The following SH3GLB1 variants were observed in gnomAD, a reference collection of about 807,000 sequenced individuals.
The protein encoded by SH3GLB1 is SH3 domain containing GRB2 like, endophilin B1, also known as endophilin-B1.
Under a neutral mutation model 42.0 loss-of-function variants are expected in SH3GLB1, and 17 were observed. The ratio of observed to expected loss-of-function variants is 0.40; its 90% CI spans 0.28 to 0.61. The LOEUF (loss-of-function observed/expected upper bound fraction) is 0.61. Ranked by LOEUF, SH3GLB1 falls within the 20% of genes least tolerant of loss-of-function variation. The probability of loss-of-function intolerance (pLI) is 0.36; values close to 1 mark genes in which losing one functional copy is unlikely to be tolerated. For synonymous variants in SH3GLB1, 132 were observed against 146.6 expected (o/e 0.90, Z 0.72); for missense variants, 355 against 426.3 (o/e 0.83, Z 1.47).
intron 3 of SH3GLB1, among the ~76,000 whole-genome samples, chr1:86,720,619 TC>T (rs1411595148): frequency 6.6e-6 from 1 of 152,222 alleles, no homozygotes; most frequent in Non-Finnish European, 1.5e-5. Context: ...GTTGTTTATG[TC>T]TAATAATAAT....
chr1:86,739,799 A>T (rs953169651), intron 7 of SH3GLB1, among the ~76,000 whole-genome samples: 1 of 152,110 alleles, frequency 6.6e-6, no homozygotes, highest in Admixed American at 6.5e-5. Flanking sequence ...AAAAAGGATG[A>T]GATTTTGTGC....
chr1:86,742,826 T>G (rs1013146256), intron 8 of SH3GLB1, among the ~76,000 whole-genome samples: 9 of 151,946 alleles, frequency 5.9e-5, no homozygotes, highest in Non-Finnish European at 1.5e-5. Context: ...CTGGGCATGG[T>G]GGTGTGCGCC....
At chr1:86,739,812 A>C (rs1019630519) in intron 7 of SH3GLB1, among the ~76,000 whole-genome samples, 7 of 152,154 alleles carry the variant, frequency 4.6e-5, no homozygotes, top group African/African-American at 1.2e-4. Flanking sequence ...TTTTGTGCAC[A>C]TATGGAGGAA....
intron 7 of SH3GLB1, among the ~76,000 whole-genome samples, chr1:86,736,014 G>C (rs1360499143): frequency 6.6e-6 from 1 of 152,124 alleles, no homozygotes; most frequent in Non-Finnish European, 1.5e-5. Flanking sequence ...GATGAAGAAA[G>C]GGACAGGGAT....
chr1:86,742,044 G>A (rs1656081651), intron 7 of SH3GLB1, among the ~76,000 whole-genome samples, 164 bp from the exon 8 acceptor site: 1 of 152,084 alleles, frequency 6.6e-6, no homozygotes, highest in African/African-American at 2.4e-5. Flanking sequence ...ATTGGCCCAA[G>A]AGGGAAAAGG....
chr1:86,712,137 T>G (rs1044271874), intron 1 of SH3GLB1, among the ~76,000 whole-genome samples: 1 of 152,138 alleles, frequency 6.6e-6, no homozygotes, highest in Non-Finnish European at 1.5e-5. Context: ...ATTTATAATT[T>G]CAATTTTAAA....
intron 1 of SH3GLB1, among the ~76,000 whole-genome samples, chr1:86,711,745 T>A (rs1654223005): frequency 3.3e-5 from 5 of 152,072 alleles, no homozygotes; most frequent in Admixed American, 2.6e-4. Flanking sequence ...GATCTTTTTT[T>A]AAAAGAAAGA....
intron 1 of SH3GLB1, among the ~76,000 whole-genome samples, chr1:86,713,304 A>G (rs2101920558): frequency 6.6e-6 from 1 of 151,640 alleles, no homozygotes; most frequent in South Asian, 2.1e-4. Flanking sequence ...CTGGTCTAGA[A>G]CTCCTGAGCT....
chr1:86,724,268 A>G (rs756441382), intron 4 of SH3GLB1, 45 bp from the exon 5 acceptor site: 2 of 1,368,870 alleles, frequency 1.5e-6, no homozygotes, highest in South Asian at 2.7e-5. Context: ...TCTTAACAGA[A>G]TTTTAGCATC....
chr1:86,721,612 G>GAGT (rs1654861412), intron 3 of SH3GLB1, among the ~76,000 whole-genome samples: 1 of 152,166 alleles, frequency 6.6e-6, no homozygotes, highest in African/African-American at 2.4e-5. Context: ...TTAAGTATCA[G>GAGT]AGTATATGTA....
At chr1:86,705,030 C>A in intron 1 of SH3GLB1, 59 bp downstream of exon 1, 1 of 1,202,694 alleles carries the variant, frequency 8.3e-7, no homozygotes. Flanking sequence ...AGGGAGGGGA[C>A]CGCAGCTCGA....
intron 2 of SH3GLB1, among the ~76,000 whole-genome samples, chr1:86,717,840 G>A (rs936428377): frequency 1.6e-4 from 24 of 152,096 alleles, no homozygotes; most frequent in African/African-American, 5.8e-4. Context: ...TCAAAAATAC[G>A]TTATGCAGAA....
At chr1:86,711,389 T>C (rs185883226) in intron 1 of SH3GLB1, among the ~76,000 whole-genome samples, 3 of 152,246 alleles carry the variant, frequency 2.0e-5, no homozygotes, top group Admixed American at 6.5e-5. Flanking sequence ...AGAGAAAATA[T>C]ATAAAAGGGG....
At chr1:86,711,072 A>C (rs1358353491) in intron 1 of SH3GLB1, among the ~76,000 whole-genome samples, 2 of 152,226 alleles carry the variant, frequency 1.3e-5, no homozygotes, top group African/African-American at 2.4e-5. Context: ...CCAATGGAGA[A>C]AGATGCACCT....
At chr1:86,742,492 T>A in intron 8 of SH3GLB1, 56 bp downstream of exon 8, 2 of 1,332,828 alleles carry the variant, frequency 1.5e-6, no homozygotes, top group Non-Finnish European at 2.1e-6. Flanking sequence ...TACCTTCTAA[T>A]ATTATAACAA....
intron 5 of SH3GLB1, among the ~76,000 whole-genome samples, chr1:86,725,567 A>C (rs263460): frequency 0.085 from 12,874 of 152,238 alleles, 777 homozygotes; most frequent in East Asian, 0.16. Context: ...TAACAAGTTA[A>C]TACTTAATTT....
In SH3GLB1 at chr1:86,746,175, C is replaced by G. The variant is rs1262406168; in HGVS notation, c.*2940C>G. 6.6e-6 allele frequency: 1 copy of G among 152,562 alleles called. No homozygotes were observed. The highest frequency in any genetic ancestry group is 2.4e-5 in the African/African-American group (1 of 41,420). 9.5% of individuals were successfully genotyped at this position (152,562 alleles called of 1,614,324 possible). On this transcript the variant is annotated 3_prime_UTR_variant, in exon 9 of 9. Transcript: ENST00000370558. ...CATCTTCATAGTCTCCTGTTATCCTCCCCCTGAACAAAGAACAAAGTGAGA... is the reference window on the plus strand; with the variant it reads ...CATCTTCATAGTCTCCTGTTATCCTGCCCCTGAACAAAGAACAAAGTGAGA...
chr1:86,731,696 A>C (rs1335130127), intron 5 of SH3GLB1, among the ~76,000 whole-genome samples: 2 of 152,180 alleles, frequency 1.3e-5, no homozygotes, highest in African/African-American at 4.8e-5. Context: ...TATTATATAC[A>C]TATATATAAA....
chr1:86,718,315 G>C (rs1403448435), intron 2 of SH3GLB1, among the ~76,000 whole-genome samples: 1 of 152,066 alleles, frequency 6.6e-6, no homozygotes, highest in Non-Finnish European at 1.5e-5. Flanking sequence ...CAAAGTGCTG[G>C]GATTACAGGC....
Sources: gnomAD v4.1 joint callset for allele counts (sites outside exome capture counted in the v4.1 genomes callset) on GRCh38, gnomAD v4.1.1 for gene constraint, MANE v1.5 for transcripts, NCBI Gene and HGNC (gene_info 2026-07-23, HGNC 2026-07-21) for gene names.